The following DDX46 variants were observed in gnomAD, a reference collection of about 807,000 sequenced individuals.
DDX46 encodes DEAD-box helicase 46, also known as probable ATP-dependent RNA helicase DDX46.
DDX46 carries 30 observed loss-of-function variants against 134.9 expected under a neutral mutation model. The ratio of observed to expected loss-of-function variants is 0.22; its 90% CI spans 0.17 to 0.30. DDX46 has a LOEUF of 0.30. DDX46 is among the 10% of genes least tolerant of loss of function. The probability of loss-of-function intolerance (pLI) is 1.00; values close to 1 mark genes in which losing one functional copy is unlikely to be tolerated. For missense variants in DDX46, 622 were observed against 1,248.7 expected (o/e 0.50, Z 7.56); for synonymous variants, 415 against 404.1 (o/e 1.03, Z -0.32).
At chr5:134,780,098 A>ATGTGTGTGTGTGTGTGTGTG (rs71583216) in intron 6 of DDX46, among the ~76,000 whole-genome samples, 3 of 139,578 alleles carry the variant, frequency 2.1e-5, no homozygotes, top group East Asian at 4.1e-4. Flanking sequence ...AAAAAAATAT[A>ATGTGTGTGTGTGTGTGTGTG]TGTGTGTGTG....
At chr5:134,768,140 C>T (rs1171309503) in intron 3 of DDX46, among the ~76,000 whole-genome samples, 11 of 150,070 alleles carry the variant, frequency 7.3e-5, no homozygotes, top group South Asian at 2.1e-4. Flanking sequence ...GCCAAAGTCT[C>T]GTTCTGTTGC....
At chr5:134,808,793 A>G (rs1384083780) in intron 16 of DDX46, among the ~76,000 whole-genome samples, 1 of 152,220 alleles carries the variant, frequency 6.6e-6, no homozygotes, top group Admixed American at 6.5e-5. Context: ...TGTTGGAGAC[A>G]TTGATTATGA....
chr5:134,764,779 C>G (rs1287668140), intron 2 of DDX46, among the ~76,000 whole-genome samples: 3 of 150,474 alleles, frequency 2.0e-5, no homozygotes, highest in East Asian at 3.9e-4. Flanking sequence ...TTTTTGCCAC[C>G]CTTGTTGAAA....
At chr5:134,809,895 C>G (rs186790215) in intron 16 of DDX46, among the ~76,000 whole-genome samples, 8 of 152,104 alleles carry the variant, frequency 5.3e-5, no homozygotes, top group Non-Finnish European at 8.8e-5. Flanking sequence ...TGCCTGTAAT[C>G]CGAGCTACTC....
chr5:134,801,763 C>A (rs1754836493), intron 15 of DDX46, among the ~76,000 whole-genome samples: 1 of 152,022 alleles, frequency 6.6e-6, no homozygotes, highest in Admixed American at 6.6e-5. Flanking sequence ...GTTTGTGTAT[C>A]TGTTCATCTG....
At chr5:134,776,168 G>A (rs1179057426) in intron 5 of DDX46, among the ~76,000 whole-genome samples, 1 of 151,908 alleles carries the variant, frequency 6.6e-6, no homozygotes, top group Admixed American at 6.6e-5. Flanking sequence ...GAGGCAGGTG[G>A]TTCACAAGGT....
intron 1 of DDX46, 81 bp downstream of exon 1, chr5:134,759,036 G>T: frequency 6.3e-7 from 1 of 1,578,282 alleles, no homozygotes. Context: ...GGTGGCCGCC[G>T]GGCCAGGCCT....
At chr5:134,806,363 G>A (rs1270526790) in intron 15 of DDX46, among the ~76,000 whole-genome samples, 1 of 152,112 alleles carries the variant, frequency 6.6e-6, no homozygotes, top group Non-Finnish European at 1.5e-5. Context: ...GAACAAAATT[G>A]GGGTTATTTT....
chr5:134,779,439 C>T (rs1754062658), intron 6 of DDX46, among the ~76,000 whole-genome samples: 1 of 152,244 alleles, frequency 6.6e-6, no homozygotes, highest in Non-Finnish European at 1.5e-5. Context: ...AATGATCTGT[C>T]TGCCTTGGCC....
intron 21 of DDX46, among the ~76,000 whole-genome samples, chr5:134,825,072 T>G (rs916452911): frequency 2.0e-5 from 3 of 152,224 alleles, no homozygotes; most frequent in African/African-American, 7.2e-5. Context: ...AGAAGTTACA[T>G]AAGTCAGAAT....
At chr5:134,815,685 A>G (rs1192107903) in intron 18 of DDX46, among the ~76,000 whole-genome samples, 2 of 133,488 alleles carry the variant, frequency 1.5e-5, no homozygotes, top group African/African-American at 5.7e-5. Flanking sequence ...CCAGCCTGGG[A>G]GACAGAGCGA....
rs1321930173 is a variant in DDX46, at chr5:134,828,592, T to A, written c.3052-67T>A. 4 of 1,009,472 alleles carry A rather than the reference T, an allele frequency of 4.0e-6. No individual in the cohort carries two copies. In the Admixed American group the frequency reaches 1.8e-4, roughly 45 times the overall value. 62.5% of individuals were successfully genotyped at this position (1,009,472 alleles called of 1,614,324 possible). A position where few individuals can be genotyped will look rare whatever the true frequency, so the allele number is the denominator to read the frequency against. On this transcript the variant is annotated intron_variant, in intron 22 of 22. Transcript: ENST00000452510. ...GGGTTTGTTTGGTTGGTTGGTTGGT[T>A]CGTTTTTTTTTTTTGTTTTTTTTGT...
intron 6 of DDX46, among the ~76,000 whole-genome samples, chr5:134,778,218 A>G (rs954751509): frequency 6.6e-6 from 1 of 151,684 alleles, no homozygotes; most frequent in East Asian, 1.9e-4. Context: ...AGGTTTTACC[A>G]TGTTGCTCAC....
In DDX46 at chr5:134,804,697, C is replaced by CA. The variant is rs1754931803; in HGVS notation, c.1955-3046dup. The CA allele has an allele frequency of 2.5e-5, 5 of 204,052 alleles. No individual in the cohort carries two copies. In the Admixed American group the frequency reaches 2.6e-4, roughly 11 times the overall value. 12.6% of individuals were successfully genotyped at this position (204,052 alleles called of 1,614,324 possible). On this transcript the variant is annotated intron_variant, in intron 15 of 22. Coordinates refer to ENST00000452510, the MANE Select transcript of DDX46 (RefSeq NM_001300860.2). ...ATTGTTCCGGAAAAGTCATTTTTCA[C>CA]AAAAATATGCTTTTTATTTTAACGT... is the stretch of plus-strand genomic sequence containing the variant.
Position 134,816,613 on chromosome 5 carries a change from A to G in DDX46, c.2613+7A>G. On this transcript the variant is annotated splice_region_variant and intron_variant, in intron 19 of 22. Transcript: ENST00000452510. The stretch of plus-strand genomic sequence containing the variant: ...GGGCATCGAGTCTCAGGTATTAAGT[A>G]ATTTGTTCCAAGTCTCAGTCAATAC... 10 of 1,610,072 alleles carry G rather than the reference A, an allele frequency of 6.2e-6. No homozygotes were observed. The highest frequency in any genetic ancestry group is 7.6e-6 in the Non-Finnish European group (9 of 1,179,274).
chr5:134,781,816 G>A, intron 7 of DDX46, 105 bp from the exon 8 acceptor site: 1 of 1,083,410 alleles, frequency 9.2e-7, no homozygotes, highest in Non-Finnish European at 1.3e-6. Flanking sequence ...TAAAATATTA[G>A]AGTAGTTTCT....
intron 5 of DDX46, among the ~76,000 whole-genome samples, 172 bp from the exon 6 acceptor site, chr5:134,777,402 A>G (rs1753978761): frequency 6.6e-6 from 1 of 152,242 alleles, no homozygotes; most frequent in South Asian, 2.1e-4. Flanking sequence ...TGCTTCATGT[A>G]AAAATGGAAA....
chr5:134,767,605 T>C (rs1753615566), intron 3 of DDX46, among the ~76,000 whole-genome samples: 1 of 151,828 alleles, frequency 6.6e-6, no homozygotes, highest in Non-Finnish European at 1.5e-5. Context: ...CTTCCCAAAG[T>C]GCTGGGATTA....
chr5:134,809,846 TAAAATA>T (rs1755091745), intron 16 of DDX46, among the ~76,000 whole-genome samples: 1 of 151,902 alleles, frequency 6.6e-6, no homozygotes, highest in South Asian at 2.1e-4. Context: ...CTGTTTCTAC[TAAAATA>T]AAAATAAAAA....
Sources: allele counts gnomAD v4.1 joint callset (sites outside exome capture counted in the v4.1 genomes callset), GRCh38; gene constraint gnomAD v4.1.1; transcripts MANE v1.5; gene names NCBI Gene and HGNC (gene_info 2026-07-23, HGNC 2026-07-21).